Variants in SFTPD observed in about 807,000 individuals in gnomAD.
The protein encoded by SFTPD is surfactant protein D.
SFTPD carries 18 observed loss-of-function variants against 34.6 expected under a neutral mutation model. That is an observed-to-expected ratio of 0.52 (90% CI 0.36 to 0.77). The LOEUF (loss-of-function observed/expected upper bound fraction) is 0.77, where lower values mean the gene tolerates loss of function less well. Ranked by LOEUF, SFTPD falls within the 30% of genes least tolerant of loss-of-function variation. The probability of loss-of-function intolerance (pLI) is 0.00; values close to 1 mark genes in which losing one functional copy is unlikely to be tolerated. For synonymous variants in SFTPD, 155 were observed against 180.9 expected, an observed-to-expected ratio of 0.86 and a Z score of 1.15; for missense variants, 433 against 468.9, an observed-to-expected ratio of 0.92 and a Z score of 0.71.
chr10:79,941,951 C>T lies in SFTPD; in HGVS notation c.550+3G>A, dbSNP rs746516806. On this transcript the variant is annotated splice_donor_region_variant and intron_variant, in intron 5 of 7. Transcript: ENST00000372292. ...GCCCAGCCCAGCTCTTTCCACTGCT[C>T]ACCTGCTGCCCCTGTGTTTCCAGGG... 3.8e-6 allele frequency: 6 copies of T among 1,595,646 alleles called. No homozygotes were observed. The highest frequency in any genetic ancestry group is 1.1e-5 in the South Asian group (1 of 90,600).
At chr10:79,972,073 G>C (rs1455591327) in intron 1 of SFTPD, 5 of 152,160 alleles carry the variant, frequency 3.3e-5, no homozygotes, top group East Asian at 3.8e-4. Context: ...TAGGAGAAAG[G>C]TATCAGTCTT....
intron 1 of SFTPD, among the ~76,000 whole-genome samples, chr10:79,948,306 A>C (rs182638254): frequency 2.0e-5 from 3 of 152,338 alleles, no homozygotes; most frequent in African/African-American, 7.2e-5. Context: ...GGGAAGAATG[A>C]AAGGCAATAG....
At position 79,940,794 on chromosome 10, in the gene SFTPD, G is replaced by C. The variant is rs1046676629; in HGVS notation, c.668-6C>G. On this transcript the variant is annotated splice_region_variant and splice_polypyrimidine_tract_variant and intron_variant, in intron 6 of 7. Coordinates refer to ENST00000372292, the MANE Select transcript of SFTPD (RefSeq NM_003019.5). The stretch of plus-strand genomic sequence containing the variant: ...CTGCCTCAGAGAAGCAACATCTGGA[G>C]GGGAGAAAATGGCCAAGTAAAGACT... 3 of 1,603,382 alleles carry C rather than the reference G, an allele frequency of 1.9e-6. No individual in the cohort carries two copies. The African/African-American group carries it at 4.0e-5, about 21-fold the overall frequency.
chr10:79,968,025 CAGA>C (rs201332023), intron 1 of SFTPD, among the ~76,000 whole-genome samples: 11,563 of 138,590 alleles, frequency 0.083, 864 homozygotes, highest in East Asian at 0.41. Context: ...CCTTATTGCT[CAGA>C]AAAAAAAAAA....
At chr10:79,968,327 C>T (rs1387308150) in intron 1 of SFTPD, 2 of 152,176 alleles carry the variant, frequency 1.3e-5, no homozygotes, top group Non-Finnish European at 2.9e-5. Context: ...TTTTTCAACA[C>T]TTTCCCCCTC....
chr10:79,965,482 A>G (rs1326611432), intron 1 of SFTPD, among the ~76,000 whole-genome samples: 1 of 146,892 alleles, frequency 6.8e-6, no homozygotes, highest in Admixed American at 6.8e-5. Context: ...ATCTCTCCAT[A>G]CCACCCTCCA....
intron 1 of SFTPD, chr10:79,982,017 G>C (rs1842893740): frequency 3.4e-6 from 1 of 291,668 alleles, no homozygotes; most frequent in African/African-American, 2.3e-5. Context: ...GGAAGAGCGC[G>C]CCGGGCGCCG....
intron 1 of SFTPD, among the ~76,000 whole-genome samples, chr10:79,973,861 A>C (rs1431838864): frequency 6.6e-6 from 1 of 152,180 alleles, no homozygotes; most frequent in East Asian, 1.9e-4. Flanking sequence ...ATGACTCTGG[A>C]TGCATTATGC....
chr10:79,963,883 A>T (rs954707707), intron 1 of SFTPD, among the ~76,000 whole-genome samples: 10 of 152,262 alleles, frequency 6.6e-5, no homozygotes, highest in African/African-American at 1.9e-4. Context: ...TCCATAGTGC[A>T]TATGTATCCC....
chr10:79,947,191 G>A (rs1214089700), intron 1 of SFTPD, among the ~76,000 whole-genome samples: 8 of 152,258 alleles, frequency 5.3e-5, no homozygotes, highest in Non-Finnish European at 1.5e-5. Context: ...CCAGAGTCCT[G>A]AGTGCTTAGT....
intron 7 of SFTPD, among the ~76,000 whole-genome samples, chr10:79,938,712 A>T (rs1386664231): frequency 6.6e-6 from 1 of 152,078 alleles, no homozygotes; most frequent in African/African-American, 2.4e-5. Flanking sequence ...ACAGTAGGGG[A>T]TGTGGGGTTG....
At chr10:79,974,179 T>A (rs540944044) in intron 1 of SFTPD, among the ~76,000 whole-genome samples, 61 of 152,250 alleles carry the variant, frequency 4.0e-4, no homozygotes, top group African/African-American at 1.3e-3. Flanking sequence ...TTATTTATTT[T>A]TTTTCTGAGA....
intron 1 of SFTPD, among the ~76,000 whole-genome samples, chr10:79,962,977 A>C (rs12572896): frequency 1.3e-5 from 2 of 152,120 alleles, no homozygotes; most frequent in Admixed American, 6.6e-5. Context: ...GTATATATCT[A>C]TCTATCATTT....
chr10:79,980,078 T>G (rs1256907984), intron 1 of SFTPD, among the ~76,000 whole-genome samples: 1 of 152,134 alleles, frequency 6.6e-6, no homozygotes, highest in African/African-American at 2.4e-5. Flanking sequence ...ATTCACCCCC[T>G]GCTAACTAAA....
At chr10:79,969,786 A>T (rs1174226048) in intron 1 of SFTPD, 1 of 152,164 alleles carries the variant, frequency 6.6e-6, no homozygotes, top group African/African-American at 2.4e-5. Context: ...CTTATATAGT[A>T]ACCCTTTATC....
chr10:79,966,494 G>A (rs1403510298), intron 1 of SFTPD, among the ~76,000 whole-genome samples: 2 of 124,950 alleles, frequency 1.6e-5, no homozygotes, highest in Non-Finnish European at 3.2e-5. Flanking sequence ...CCCTTTGTCA[G>A]ATGAGTAGGT....
chr10:79,941,403 A>G lies in SFTPD; in HGVS notation c.662T>C (p.Leu221Pro). 3 of 1,613,900 alleles carry G rather than the reference A, an allele frequency of 1.9e-6. No homozygotes were observed. The highest frequency in any genetic ancestry group is 1.7e-6 in the Non-Finnish European group (2 of 1,179,854). ...GCCAGGAGCTGCTACCTTACCTGGA[A>G]GCCCACTTTCTCCCTTTGCTCCTTT... ...GDKGAKGESG[L>P]PDVASLRQQV... The change falls in exon 6 of 8, where the codon CTT becomes CCT. Residue 221 changes from leucine to proline, a missense_variant. By Grantham distance (98) the Leu-to-Pro change is moderately conservative. Coordinates refer to ENST00000372292, the MANE Select transcript of SFTPD (RefSeq NM_003019.5).
At chr10:79,975,303 C>T (rs945369413) in intron 1 of SFTPD, among the ~76,000 whole-genome samples, 5 of 152,304 alleles carry the variant, frequency 3.3e-5, no homozygotes, top group African/African-American at 1.2e-4. Flanking sequence ...ACTTTAGCTT[C>T]AGCTGGTAAA....
upstream of SFTPD, among the ~76,000 whole-genome samples, chr10:79,952,832 T>G (rs1842718115): frequency 6.6e-6 from 1 of 152,184 alleles, no homozygotes; most frequent in Non-Finnish European, 1.5e-5. Flanking sequence ...GGCCACCCAA[T>G]GCTCTGCCCT....
Sources: allele counts gnomAD v4.1 joint callset (sites outside exome capture counted in the v4.1 genomes callset), GRCh38; gene constraint gnomAD v4.1.1; transcripts MANE v1.5; gene names NCBI Gene and HGNC (gene_info 2026-07-23, HGNC 2026-07-21).